The following CFH variants were observed in gnomAD, a reference collection of about 807,000 sequenced individuals.
CFH encodes the protein H factor 1 (complement).
Under a neutral mutation model 147.3 loss-of-function variants are expected in CFH, and 53 were observed. That is an observed-to-expected ratio of 0.36 (90% CI 0.29 to 0.45). CFH has a LOEUF of 0.45. CFH is among the 20% of genes least tolerant of loss of function. The pLI is 1.00. For missense variants in CFH, 1,380 were observed against 1,498.0 expected (o/e 0.92, Z 1.30); for synonymous variants, 536 against 489.4 (o/e 1.10, Z -1.26).
chr1:196,725,577 G>T (rs1669116397), intron 12 of CFH, among the ~76,000 whole-genome samples: 2 of 152,144 alleles, frequency 1.3e-5, no homozygotes, highest in African/African-American at 4.8e-5. Flanking sequence ...GAATAACTGA[G>T]TCTGGATGAT....
At chr1:196,713,661 T>G (rs1573053161) in intron 9 of CFH, 74 bp from the exon 10 acceptor site, 1 of 958,388 alleles carries the variant, frequency 1.0e-6, no homozygotes, top group East Asian at 2.7e-5. Flanking sequence ...TTTTTTATAT[T>G]TACATATTAC....
intron 15 of CFH, among the ~76,000 whole-genome samples, chr1:196,733,868 C>T (rs1669338308): frequency 6.6e-6 from 1 of 152,020 alleles, no homozygotes; most frequent in Admixed American, 6.6e-5. Flanking sequence ...ATTCAGACCT[C>T]TAAGTAGCCA....
chr1:196,660,472 CTG>C (rs1332361277), intron 1 of CFH, among the ~76,000 whole-genome samples: 1 of 152,158 alleles, frequency 6.6e-6, no homozygotes, highest in South Asian at 2.1e-4. Context: ...ACTTGTCACT[CTG>C]TGAATAGACT....
intron 3 of CFH, among the ~76,000 whole-genome samples, chr1:196,675,375 T>C (rs753764431): frequency 2.6e-5 from 4 of 152,046 alleles, no homozygotes; most frequent in Non-Finnish European, 5.9e-5. Context: ...ACGATAGAGA[T>C]GGAGAGATGG....
intron 9 of CFH, chr1:196,701,338 G>C: frequency 6.2e-7 from 1 of 1,613,698 alleles, no homozygotes; most frequent in Non-Finnish European, 8.5e-7. Context: ...CTGAACTTCT[G>C]ATCGAAGGTC....
intron 1 of CFH, among the ~76,000 whole-genome samples, chr1:196,659,205 C>T (rs1234732004): frequency 6.6e-6 from 1 of 152,210 alleles, no homozygotes; most frequent in Admixed American, 6.5e-5. Flanking sequence ...TTGTTGTCTA[C>T]TTGAAGGTGG....
At chr1:196,721,205 C>T (rs1668991613) in intron 11 of CFH, among the ~76,000 whole-genome samples, 1 of 151,512 alleles carries the variant, frequency 6.6e-6, no homozygotes, top group Non-Finnish European at 1.5e-5. Context: ...GGATATTAGC[C>T]CTTTTTCAGA....
intron 1 of CFH, among the ~76,000 whole-genome samples, chr1:196,668,516 A>T (rs946600152): frequency 6.6e-6 from 1 of 152,128 alleles, no homozygotes; most frequent in African/African-American, 2.4e-5. Context: ...ATCTTAAATT[A>T]TAATCTCCAT....
chr1:196,746,701 T>A lies in CFH; in HGVS notation c.3494-410T>A, dbSNP rs117795140. ...ACTTAAAATCTGCTTTCTTACCAAT[T>A]TTCAAATAAACAATACAATATTATT... is the stretch of plus-strand genomic sequence containing the variant. On this transcript the variant is annotated intron_variant, in intron 21 of 21. Coordinates refer to ENST00000367429, the MANE Select transcript of CFH (RefSeq NM_000186.4). Among the ~76,000 whole-genome samples, 113 of 152,264 alleles carry A rather than the reference T, an allele frequency of 7.4e-4. 1 individual carries two copies. The East Asian group carries it at 0.02, about 27-fold the overall frequency.
At chr1:196,695,248 A>G (rs1668210850) in intron 9 of CFH, among the ~76,000 whole-genome samples, 1 of 152,162 alleles carries the variant, frequency 6.6e-6, no homozygotes, top group Admixed American at 6.6e-5. Context: ...TCCCTGCACC[A>G]TTTATTCAAT....
Position 196,718,810 on chromosome 1 carries a change from C to G in CFH, c.1696+3041C>G, listed in dbSNP as rs546155355. On this transcript the variant is annotated intron_variant, in intron 11 of 21. Transcript: ENST00000367429. ...AGAAGCTGATGTAGAAAATGTCTTTCTATTGCAAATTGTACAAAGACTTAG... is the reference window on the plus strand; with the variant it reads ...AGAAGCTGATGTAGAAAATGTCTTTGTATTGCAAATTGTACAAAGACTTAG... 2.6e-5 allele frequency among the ~76,000 whole-genome samples: 4 copies of G among 152,140 alleles called. No individual in the cohort carries two copies. The East Asian group carries it at 7.7e-4, about 29-fold the overall frequency.
chr1:196,723,012 C>G (rs1226805927), intron 11 of CFH, among the ~76,000 whole-genome samples: 1 of 151,832 alleles, frequency 6.6e-6, no homozygotes, highest in Non-Finnish European at 1.5e-5. Flanking sequence ...TGCTTTTCAA[C>G]TTTCTCTTGG....
intron 9 of CFH, chr1:196,700,924 C>A: frequency 1.1e-6 from 1 of 921,860 alleles, no homozygotes; most frequent in Non-Finnish European, 1.3e-6. Context: ...GCAGCTGGCA[C>A]CCCATTTCCT....
At chr1:196,672,907 A>C in intron 1 of CFH, 71 bp from the exon 2 acceptor site, 1 of 1,336,410 alleles carries the variant, frequency 7.5e-7, no homozygotes, top group Non-Finnish European at 1.0e-6. Context: ...TTTTAAAAGC[A>C]ACAATTACCT....
At chr1:196,695,434 G>GTA (rs1319847702) in intron 9 of CFH, among the ~76,000 whole-genome samples, 1 of 152,162 alleles carries the variant, frequency 6.6e-6, no homozygotes, top group African/African-American at 2.4e-5. Context: ...TTGAAATCAG[G>GTA]TAGCGTGATG....
intron 11 of CFH, among the ~76,000 whole-genome samples, chr1:196,721,964 A>G (rs1022071599): frequency 6.6e-6 from 1 of 152,002 alleles, no homozygotes; most frequent in Non-Finnish European, 1.5e-5. Flanking sequence ...TCTTTTGAGC[A>G]GCATGTGGTT....
chr1:196,717,883 C>T (rs942519061), intron 11 of CFH, among the ~76,000 whole-genome samples: 15 of 151,996 alleles, frequency 9.9e-5, no homozygotes, highest in African/African-American at 2.9e-4. Context: ...CTGCTTACAA[C>T]TTTGTGACAG....
rs386369224 is a variant in CFH at position 196,703,982 on chromosome 1, C to CAAAAA, written c.1337-9734_1337-9730dup. 1.5e-3 allele frequency among the ~76,000 whole-genome samples: 89 copies of CAAAAA among 60,572 alleles called. 11 individuals carry two copies. The East Asian group carries it at 0.028, about 19-fold the overall frequency. The allele number at this position is 60,572 out of a possible 152,430, so 39.7% of individuals were successfully genotyped here. A position where few individuals can be genotyped will look rare whatever the true frequency, so the allele number is the denominator to read the frequency against. ...CCTGGGGGACAGAGCAAGACTCTGT[C>CAAAAA]AAAAAAAAAAAAAAAAAAAAAAAGA... On this transcript the variant is annotated intron_variant, in intron 9 of 21. Transcript: ENST00000367429.
At chr1:196,717,040 A>T (rs1312720442) in intron 11 of CFH, among the ~76,000 whole-genome samples, 1 of 152,106 alleles carries the variant, frequency 6.6e-6, no homozygotes, top group Non-Finnish European at 1.5e-5. Flanking sequence ...TATATATAAG[A>T]CAGAAGAGCA....
Sources: allele counts gnomAD v4.1 joint callset (sites outside exome capture counted in the v4.1 genomes callset), GRCh38; gene constraint gnomAD v4.1.1; transcripts MANE v1.5; gene names NCBI Gene and HGNC (gene_info 2026-07-23, HGNC 2026-07-21).